The following RNASEH2A variants were observed in gnomAD, a reference collection of about 807,000 sequenced individuals.
RNASEH2A encodes the protein ribonuclease H2 subunit A.
In RNASEH2A, 30 loss-of-function variants were observed where a neutral mutation model predicts 32.7. That is an observed-to-expected ratio of 0.92 (90% CI 0.69 to 1.25). RNASEH2A has a LOEUF of 1.25. Among genes scored for constraint, RNASEH2A ranks in the 50% most tolerant of loss-of-function variants. RNASEH2A has a pLI of 0.00. For synonymous variants in RNASEH2A, 147 were observed against 165.4 expected, an observed-to-expected ratio of 0.89 and a Z score of 0.86; for missense variants, 409 against 398.1, an observed-to-expected ratio of 1.03 and a Z score of -0.23.
intron 6 of RNASEH2A, 70 bp downstream of exon 6, chr19:12,810,474 T>G: frequency 7.8e-7 from 1 of 1,282,336 alleles, no homozygotes; most frequent in Non-Finnish European, 1.1e-6. Flanking sequence ...GAGGTTTTCT[T>G]TTTTTCCTTT....
rs542048625 is a variant in RNASEH2A at position 12,807,652 on chromosome 19, C to T, written c.411+146C>T. On this transcript the variant is annotated intron_variant, in intron 4 of 7. Coordinates refer to ENST00000221486, the MANE Select transcript of RNASEH2A (RefSeq NM_006397.3). Reference sequence around the variant, plus strand: ...AAGCCCCCCAACTCAAAAATGGAGGCAGGGCGCAGTGGCTCACGCCTATAA... The same window carrying T: ...AAGCCCCCCAACTCAAAAATGGAGGTAGGGCGCAGTGGCTCACGCCTATAA... 2 of 774,582 alleles carry T rather than the reference C, an allele frequency of 2.6e-6. No homozygotes were observed. The highest frequency in any genetic ancestry group is 1.7e-5 in the African/African-American group (1 of 58,468). The allele number at this position is 774,582 out of a possible 1,614,324, so 48.0% of individuals were successfully genotyped here.
In RNASEH2A at chr19:12,813,199, G is replaced by A. The variant is rs1466663343; in HGVS notation, c.754G>A (p.Val252Ile). 2.5e-6 allele frequency: 4 copies of A among 1,614,062 alleles called. No individual in the cohort carries two copies. Among genetic ancestry groups the A allele is most frequent in the Admixed American group, 1.7e-5 (1 of 59,968 alleles). Residue 252 changes from valine to isoleucine, a missense_variant, in exon 7 of 8, where the codon GTT (valine) becomes ATT (isoleucine). By Grantham distance (29) the Val-to-Ile change is conservative. Coordinates refer to ENST00000221486, the MANE Select transcript of RNASEH2A (RefSeq NM_006397.3). ...CATCCTGGAGAAAGAGGCGGAAGATGTTATATGGTGGGTGTCATGGATGTC... is the reference window on the plus strand; with the variant it reads ...CATCCTGGAGAAAGAGGCGGAAGATATTATATGGTGGGTGTCATGGATGTC... ...QTILEKEAED[V>I]IWEDSASENQ...
intron 6 of RNASEH2A, among the ~76,000 whole-genome samples, chr19:12,811,568 T>C (rs539114867): frequency 5.3e-5 from 8 of 151,368 alleles, no homozygotes; most frequent in Non-Finnish European, 1.0e-4. Context: ...CAGTGAGCTA[T>C]GATTATGCCA....
chr19:12,808,430 ATC>A (rs1388442136), intron 4 of RNASEH2A, among the ~76,000 whole-genome samples: 1 of 151,590 alleles, frequency 6.6e-6, no homozygotes, highest in Non-Finnish European at 1.5e-5. Context: ...TCTCCATCTA[ATC>A]TCTCCCTCAT....
Position 12,807,468 on chromosome 19 carries a change from AT to A in RNASEH2A, c.374del (p.Ile125AsnfsTer9). 6.2e-7 allele frequency: 1 copy of A among 1,614,212 alleles called. No homozygotes were observed. The highest frequency in any genetic ancestry group is 1.3e-5 in the African/African-American group (1 of 75,056). On this transcript the variant is annotated frameshift_variant, in exon 4 of 8. Transcript: ENST00000221486. LOFTEE classifies it high-confidence loss of function. ...GTCACATGATACAGCCACTGGGCTT[AT>A]ACAGTATGCATTGGACCAGGGCGTG... ...SLSHDTATGL[I>X]QYALDQGVNV...
rs751690915 is a variant in RNASEH2A at position 12,810,308 on chromosome 19, T to C, written c.550-9T>C. 188 of 1,614,040 alleles carry C rather than the reference T, an allele frequency of 1.2e-4. No homozygotes were observed. Among genetic ancestry groups the C allele is most frequent in the Non-Finnish European group, 1.6e-4 (184 of 1,180,032 alleles). The stretch of plus-strand genomic sequence containing the variant: ...GGAGGGAGATTCCAGGTGCCTGTTT[T>C]GCCCACAGGTGGCCCGGGACCAGGC... On this transcript the variant is annotated splice_polypyrimidine_tract_variant and intron_variant, in intron 5 of 7. Coordinates refer to ENST00000221486, the MANE Select transcript of RNASEH2A (RefSeq NM_006397.3).
rs1202760597 is a variant in RNASEH2A, at chr19:12,810,176, C to T, written c.517C>T (p.Pro173Ser). ...CAAGGCCAAAGCAGATGCCCTCTAC[C>T]CGGTGGTTAGTGCTGCCAGCATCTG... ...TVKAKADALY[P>S]VVSAASICAK... is the part of the protein sequence containing the mutation. Residue 173 changes from proline (P) to serine (S), a missense_variant, in exon 5 of 8, where the codon CCG becomes TCG. Physicochemically the swap from Pro to Ser is moderately conservative, Grantham distance 74. Transcript: ENST00000221486. The T allele has an allele frequency of 1.2e-6, 2 of 1,614,218 alleles. No homozygotes were observed. The highest frequency in any genetic ancestry group is 1.7e-6 in the Non-Finnish European group (2 of 1,180,040).
At position 12,806,600 on chromosome 19, in the gene RNASEH2A, C is replaced by T; in HGVS notation, c.-74C>T. On this transcript the variant is annotated 5_prime_UTR_variant, in exon 1 of 8. Coordinates refer to ENST00000221486, the MANE Select transcript of RNASEH2A (RefSeq NM_006397.3). Reference sequence around the variant, plus strand: ...GCCGGAAGCAGGCGCCGCTTCGAGGCCCGCGGAAAACGCGCGCCGAGACCC... The same window carrying T: ...GCCGGAAGCAGGCGCCGCTTCGAGGTCCGCGGAAAACGCGCGCCGAGACCC... 18 of 1,546,112 alleles carry T rather than the reference C, an allele frequency of 1.2e-5. No individual in the cohort carries two copies. The highest frequency in any genetic ancestry group is 1.6e-5 in the Non-Finnish European group (18 of 1,143,122).
rs1969109256 is a variant in RNASEH2A, at chr19:12,813,626, G to A, written c.*160G>A. On this transcript the variant is annotated 3_prime_UTR_variant, in exon 8 of 8. Transcript: ENST00000221486. ...CCTTTTGGAACCTTAAATAGAATGG[G>A]TGTTGGTTGATTAATTTTATTTGGT... 1 of 631,964 alleles carries A rather than the reference G, an allele frequency of 1.6e-6. No homozygotes were observed. The highest frequency in any genetic ancestry group is 2.7e-6 in the Non-Finnish European group (1 of 370,532). 39.1% of individuals were successfully genotyped at this position (631,964 alleles called of 1,614,324 possible). A position where few individuals can be genotyped will look rare whatever the true frequency, so the allele number is the denominator to read the frequency against.
At chr19:12,810,815 C>T (rs1449181814) in intron 6 of RNASEH2A, among the ~76,000 whole-genome samples, 3 of 152,122 alleles carry the variant, frequency 2.0e-5, no homozygotes, top group Non-Finnish European at 4.4e-5. Flanking sequence ...CAGGCATGAG[C>T]CACCGTGCCC....
Position 12,806,638 on chromosome 19 carries a change from T to C in RNASEH2A, c.-36T>C, listed in dbSNP as rs2145823871. On this transcript the variant is annotated 5_prime_UTR_variant, in exon 1 of 8. Transcript: ENST00000221486. ...CGCGCCGAGACCCGCTCCTGCAGTA[T>C]TAGTTCTTGCAGCTGGTGGTGGCGG... 1.3e-6 allele frequency: 2 copies of C among 1,565,580 alleles called. No homozygotes were observed. The highest frequency in any genetic ancestry group is 4.8e-5 in the East Asian group (2 of 42,008).
In RNASEH2A at chr19:12,813,186, A is replaced by C. The variant is rs140320292; in HGVS notation, c.741A>C (p.Lys247Asn). 1.2e-6 allele frequency: 2 copies of C among 1,613,898 alleles called. No individual in the cohort carries two copies. Among genetic ancestry groups the C allele is most frequent in the Admixed American group, 1.7e-5 (1 of 59,946 alleles). Residue 247 changes from lysine to asparagine, a missense_variant, in exon 7 of 8, where the codon AAA becomes AAC. Transcript: ENST00000221486. ...SWRTAQTILE[K>N]EAEDVIWEDS... ...GCACGGCCCAGACCATCCTGGAGAA[A>C]GAGGCGGAAGATGTTATATGGTGGG...
intron 4 of RNASEH2A, among the ~76,000 whole-genome samples, chr19:12,809,150 G>A (rs917717249): frequency 2.0e-5 from 3 of 152,056 alleles, no homozygotes; most frequent in South Asian, 2.1e-4. Flanking sequence ...CGAGGCGGGC[G>A]GATCATCAGG....
At chr19:12,807,635 C>T in intron 4 of RNASEH2A, 129 bp downstream of exon 4, 1 of 867,324 alleles carries the variant, frequency 1.2e-6, no homozygotes, top group South Asian at 1.4e-5. Flanking sequence ...GGAAGCCCCC[C>T]AACTCAAAAA....
At position 12,813,592 on chromosome 19, in the gene RNASEH2A, C is replaced by A; in HGVS notation, c.*126C>A. The A allele has an allele frequency of 8.6e-7, 1 of 1,161,986 alleles. No homozygotes were observed. The highest frequency in any genetic ancestry group is 1.3e-6 in the Non-Finnish European group (1 of 787,882). The allele number at this position is 1,161,986 out of a possible 1,614,324, so 72.0% of individuals were successfully genotyped here. On this transcript the variant is annotated 3_prime_UTR_variant, in exon 8 of 8. Coordinates refer to ENST00000221486, the MANE Select transcript of RNASEH2A (RefSeq NM_006397.3). ...TGGGAGTGTGCTCTGCAGCCGGGTCCAGCTACTTCCTTTTGGAACCTTAAA... is the reference window on the plus strand; with the variant it reads ...TGGGAGTGTGCTCTGCAGCCGGGTCAAGCTACTTCCTTTTGGAACCTTAAA...
At chr19:12,809,970 A>T (rs1189140009) in intron 4 of RNASEH2A, 101 bp from the exon 5 acceptor site, 2 of 1,458,246 alleles carry the variant, frequency 1.4e-6, no homozygotes, top group Admixed American at 1.7e-5. Flanking sequence ...GACGTGCTGG[A>T]GAAGAGGATT....
Position 12,810,196 on chromosome 19 carries a change from C to T in RNASEH2A, c.537C>T (p.Ser179=). The T allele has an allele frequency of 1.9e-6, 3 of 1,614,212 alleles. No individual in the cohort carries two copies. Among genetic ancestry groups the T allele is most frequent in the Non-Finnish European group, 2.5e-6 (3 of 1,180,052 alleles). ...TCTACCCGGTGGTTAGTGCTGCCAG[C>T]ATCTGTGCCAAGGTCAGTACCCTAC... The part of the protein sequence containing the change: ...DALYPVVSAA[S]ICAKVARDQA... The change falls in exon 5 of 8, where the codon AGC becomes AGT. Residue 179 remains serine, a synonymous_variant. Coordinates refer to ENST00000221486, the MANE Select transcript of RNASEH2A (RefSeq NM_006397.3).
chr19:12,813,121 C>A lies in RNASEH2A; in HGVS notation c.676C>A (p.Pro226Thr), dbSNP rs768858196. 2 of 1,613,992 alleles carry A rather than the reference C, an allele frequency of 1.2e-6. No individual in the cohort carries two copies. Among genetic ancestry groups the A allele is most frequent in the African/African-American group, 1.3e-5 (1 of 74,924 alleles). The change falls in exon 7 of 8, where the codon CCT (proline) becomes ACT (threonine). Residue 226 changes from proline (P) to threonine (T), a missense_variant. Coordinates refer to ENST00000221486, the MANE Select transcript of RNASEH2A (RefSeq NM_006397.3). ...AGCGTGGTTGAAGGAGCACGTGGAG[C>A]CTGTGTTCGGCTTCCCCCAGTTTGT... ...TKAWLKEHVE[P>T]VFGFPQFVRF...
chr19:12,813,420 A>C lies in RNASEH2A; in HGVS notation c.854A>C (p.His285Pro). 6.2e-7 allele frequency: 1 copy of C among 1,614,074 alleles called. No homozygotes were observed. The highest frequency in any genetic ancestry group is 8.5e-7 in the Non-Finnish European group (1 of 1,180,028). ...TCCCAAGCCCGTCCCCGTTCTTCCC[A>C]CCGATATTTCCTGGAACGCGGCCTG... ...EGSQARPRSS[H>P]RYFLERGLES... Residue 285 changes from histidine (H) to proline (P), a missense_variant, in exon 8 of 8, where the codon CAC (histidine) becomes CCC (proline). Coordinates refer to ENST00000221486, the MANE Select transcript of RNASEH2A (RefSeq NM_006397.3).
Sources: allele counts gnomAD v4.1 joint callset (sites outside exome capture counted in the v4.1 genomes callset), GRCh38; gene constraint gnomAD v4.1.1; transcripts MANE v1.5; gene names NCBI Gene and HGNC (gene_info 2026-07-23, HGNC 2026-07-21).